TNKS2: variants seen among roughly 807,000 people sequenced by gnomAD.
TNKS2 encodes tankyrase 2.
In TNKS2, 72 loss-of-function variants were observed where a neutral mutation model predicts 137.6. That is an observed-to-expected ratio of 0.52 (90% CI 0.43 to 0.64). TNKS2 has a LOEUF of 0.64. Ranked by LOEUF, TNKS2 falls within the 30% of genes least tolerant of loss-of-function variation. The pLI is 0.00. For synonymous variants in TNKS2, 516 were observed against 512.1 expected, an observed-to-expected ratio of 1.01 and a Z score of -0.10; for missense variants, 1,049 against 1,410.2, an observed-to-expected ratio of 0.74 and a Z score of 4.10.
At chr10:91,812,961 T>C (rs1489103974) in intron 1 of TNKS2, 22 bp from the exon 2 acceptor site, 1 of 1,612,330 alleles carries the variant, frequency 6.2e-7, no homozygotes, top group South Asian at 1.1e-5. Context: ...AACTTACGTG[T>C]GGACAATTTG....
chr10:91,827,763 A>T (rs1315786034), intron 8 of TNKS2, among the ~76,000 whole-genome samples: 1 of 152,198 alleles, frequency 6.6e-6, no homozygotes, highest in Non-Finnish European at 1.5e-5. Flanking sequence ...TAGTTCCACA[A>T]GTCTGATGAG....
chr10:91,836,207 CAT>C (rs1842014476), intron 12 of TNKS2, among the ~76,000 whole-genome samples: 1 of 151,784 alleles, frequency 6.6e-6, no homozygotes, highest in African/African-American at 2.4e-5. Context: ...TATTACCTGA[CAT>C]ATTTTTCCAA....
At chr10:91,812,898 G>T (rs929304555) in intron 1 of TNKS2, 85 bp from the exon 2 acceptor site, 78 of 1,518,744 alleles carry the variant, frequency 5.1e-5, no homozygotes, top group Non-Finnish European at 1.1e-5. Flanking sequence ...TTTTCAACCT[G>T]AAACATTTTA....
rs1301345562 is a variant in TNKS2 at position 91,812,916 on chromosome 10, T to G, written c.200-67T>G. Reference sequence around the variant, plus strand: ...TCAACCTGAAACATTTTAGTATGGATGGTACTTATCTAATTTGATATCTTT... The same window carrying G: ...TCAACCTGAAACATTTTAGTATGGAGGGTACTTATCTAATTTGATATCTTT... On this transcript the variant is annotated intron_variant, in intron 1 of 26. Transcript: ENST00000371627. 3.2e-6 allele frequency: 5 copies of G among 1,564,798 alleles called. No individual in the cohort carries two copies. The Admixed American group carries it at 8.8e-5, about 28-fold the overall frequency.
intron 7 of TNKS2, among the ~76,000 whole-genome samples, chr10:91,823,781 A>G (rs1844982908): frequency 6.6e-6 from 1 of 152,146 alleles, no homozygotes; most frequent in African/African-American, 2.4e-5. Context: ...AGCAGCTGTT[A>G]CGGGAAGAGA....
At chr10:91,823,050 C>CA (rs879552963) in intron 7 of TNKS2, among the ~76,000 whole-genome samples, 7,059 of 109,254 alleles carry the variant, frequency 0.065, 543 homozygotes, top group African/African-American at 0.2. Context: ...GACCTTGTCT[C>CA]AAAAAAAAAA....
Position 91,831,096 on chromosome 10 carries a change from C to T in TNKS2, c.1197-7C>T, listed in dbSNP as rs971095571. The T allele has an allele frequency of 1.2e-6, 2 of 1,613,728 alleles. No individual in the cohort carries two copies. Among genetic ancestry groups the T allele is most frequent in the African/African-American group, 1.3e-5 (1 of 74,894 alleles). Reference sequence around the variant, plus strand: ...ATTCACTGTCTGGCTGATTTTTTCTCTCTAAGATTCTTGACTCCTCTGCAC... The same window carrying T: ...ATTCACTGTCTGGCTGATTTTTTCTTTCTAAGATTCTTGACTCCTCTGCAC... On this transcript the variant is annotated splice_polypyrimidine_tract_variant and splice_region_variant and intron_variant, in intron 10 of 26. Transcript: ENST00000371627.
intron 1 of TNKS2, among the ~76,000 whole-genome samples, chr10:91,810,213 T>C (rs958743702): frequency 6.6e-6 from 1 of 151,830 alleles, no homozygotes; most frequent in Non-Finnish European, 1.5e-5. Context: ...CCATGTCTAC[T>C]AAAAATACAA....
intron 2 of TNKS2, among the ~76,000 whole-genome samples, chr10:91,814,539 A>ATCAC (rs2133603410): frequency 6.6e-6 from 1 of 152,330 alleles, no homozygotes; most frequent in South Asian, 2.1e-4. Flanking sequence ...ACATTCACTC[A>ATCAC]TCACTCACTC....
chr10:91,799,306 A>G (rs561134360), intron 1 of TNKS2, among the ~76,000 whole-genome samples: 1 of 152,336 alleles, frequency 6.6e-6, no homozygotes, highest in South Asian at 2.1e-4. Context: ...CATTTGGGTT[A>G]AGGTCTTGAA....
chr10:91,845,178 T>G, intron 17 of TNKS2, 150 bp downstream of exon 17: 1 of 652,880 alleles, frequency 1.5e-6, no homozygotes, highest in Non-Finnish European at 2.7e-6. Context: ...AAATTTCGGT[T>G]CTGAATCTGT....
intron 1 of TNKS2, among the ~76,000 whole-genome samples, chr10:91,799,894 G>C (rs893268992): frequency 1.3e-5 from 2 of 152,114 alleles, no homozygotes; most frequent in African/African-American, 4.8e-5. Flanking sequence ...TGAAAAATCG[G>C]GGAATACCTT....
chr10:91,859,897 A>G (rs1842808201), intron 25 of TNKS2, among the ~76,000 whole-genome samples: 1 of 152,216 alleles, frequency 6.6e-6, no homozygotes, highest in South Asian at 2.1e-4. Flanking sequence ...GCCTTAAAGC[A>G]TACTGAGTAG....
At chr10:91,832,614 G>A (rs1255045210) in intron 11 of TNKS2, among the ~76,000 whole-genome samples, 3 of 151,986 alleles carry the variant, frequency 2.0e-5, no homozygotes, top group African/African-American at 7.2e-5. Flanking sequence ...CTAGTTTTAG[G>A]TTCATTGAGG....
chr10:91,855,744 C>A, intron 23 of TNKS2, 56 bp downstream of exon 23: 3 of 1,287,610 alleles, frequency 2.3e-6, no homozygotes, highest in Admixed American at 1.9e-5. Context: ...AAGCCTGAAG[C>A]CATAAGTAAC....
chr10:91,799,038 G>A (rs1466154937), intron 1 of TNKS2, 149 bp downstream of exon 1: 14 of 1,205,542 alleles, frequency 1.2e-5, no homozygotes, highest in Middle Eastern at 3.2e-4. Context: ...GGGGACTAAG[G>A]AGATTAGGGG....
chr10:91,820,177 G>A (rs17107084), intron 6 of TNKS2, 144 bp downstream of exon 6: 47,582 of 457,376 alleles, frequency 0.1, 2,961 homozygotes, highest in East Asian at 0.23. Flanking sequence ...CTCTGAGGGC[G>A]CAGGAAATTA....
chr10:91,816,348 T>G (rs1272075640), intron 2 of TNKS2, among the ~76,000 whole-genome samples: 3 of 152,166 alleles, frequency 2.0e-5, no homozygotes, highest in African/African-American at 4.8e-5. Context: ...TAAAATTCCG[T>G]GTAATTAACC....
At chr10:91,838,237 G>A in intron 13 of TNKS2, among the ~76,000 whole-genome samples, 1 of 151,946 alleles carries the variant, frequency 6.6e-6, no homozygotes, top group East Asian at 1.9e-4. Context: ...TGGGGGGCAG[G>A]AAATGGACTT....
Sources: gnomAD v4.1 joint callset for allele counts (sites outside exome capture counted in the v4.1 genomes callset) on GRCh38, gnomAD v4.1.1 for gene constraint, MANE v1.5 for transcripts, NCBI Gene and HGNC (gene_info 2026-07-23, HGNC 2026-07-21) for gene names.